Variants in PRR5 observed in about 807,000 individuals in gnomAD.
PRR5 encodes the protein proline rich 5, also known as proline-rich protein 5.
In PRR5, 25 loss-of-function variants were observed where a neutral mutation model predicts 30.6. The observed-to-expected ratio is 0.82, with a 90% CI of 0.60 to 1.14. The LOEUF is 1.14. PRR5 is among the 50% of genes most tolerant of loss of function. PRR5 has a pLI of 0.00. For synonymous variants in PRR5, 286 were observed against 247.1 expected (o/e 1.16, Z -1.48); for missense variants, 600 against 547.1 (o/e 1.10, Z -0.96).
At position 44,711,608 on chromosome 22, in the gene PRR5, C is replaced by T. The variant is rs1380849136; in HGVS notation, c.135-2983C>T. Among the ~76,000 whole-genome samples the T allele has an allele frequency of 5.9e-5, 9 of 152,278 alleles. No homozygotes were observed. In the East Asian group the frequency reaches 1.5e-3, roughly 26 times the overall value. On this transcript the variant is annotated intron_variant, in intron 1 of 7. Transcript: ENST00000336985. Reference sequence around the variant, plus strand: ...GGACAGCAGGGCTGAAGCCTGGGGCCCACTGCGAGCCTTGGAGGCCCTGGC... The same window carrying T: ...GGACAGCAGGGCTGAAGCCTGGGGCTCACTGCGAGCCTTGGAGGCCCTGGC...
At chr22:44,735,860 GC>G (rs1412181611) in intron 7 of PRR5, among the ~76,000 whole-genome samples, 1 of 152,188 alleles carries the variant, frequency 6.6e-6, no homozygotes, top group Non-Finnish European at 1.5e-5. Flanking sequence ...TGTAAAACCT[GC>G]CCACTGGTGT....
chr22:44,694,989 G>A (rs1307486136), intron 1 of PRR5, among the ~76,000 whole-genome samples: 2 of 152,090 alleles, frequency 1.3e-5, no homozygotes, highest in African/African-American at 4.8e-5. Flanking sequence ...TGGCCGACAC[G>A]ATGAAACCCC....
chr22:44,699,690 T>G (rs1926079825), upstream of PRR5, among the ~76,000 whole-genome samples: 1 of 152,136 alleles, frequency 6.6e-6, no homozygotes, highest in Non-Finnish European at 1.5e-5. Context: ...GGAAAAAAAG[T>G]CATCGGGTGA....
upstream of PRR5, among the ~76,000 whole-genome samples, chr22:44,675,086 A>G (rs974189421): frequency 6.9e-6 from 1 of 145,796 alleles, no homozygotes; most frequent in Non-Finnish European, 1.5e-5. Context: ...TTCTCTACTA[A>G]AAATACAAAA....
Position 44,702,585 on chromosome 22 carries a change from C to A in PRR5, c.111C>A (p.Ala37=). The A allele has an allele frequency of 7.2e-7, 1 of 1,385,378 alleles. No homozygotes were observed. The highest frequency in any genetic ancestry group is 3.6e-5 in the Admixed American group (1 of 27,582). The allele number at this position is 1,385,378 out of a possible 1,614,324, so 85.8% of individuals were successfully genotyped here. A position where few individuals can be genotyped will look rare whatever the true frequency, so the allele number is the denominator to read the frequency against. Residue 37 remains alanine, a synonymous_variant, in exon 1 of 8, where the codon GCC becomes GCA. Transcript: ENST00000336985. ...AGCGGGGCACGCAGCAGCGCCGGGC[C>A]TGCGCCAACGCCACCTGGAACAGGT... ...ADERGTQQRR[A]CANATWNSIH...
intron 1 of PRR5, among the ~76,000 whole-genome samples, chr22:44,670,249 A>C (rs1028731728): frequency 2.6e-5 from 4 of 152,172 alleles, no homozygotes; most frequent in Non-Finnish European, 4.4e-5. Flanking sequence ...TTGGAGCCCA[A>C]GTCCCCCAGC....
chr22:44,672,147 C>T (rs910754138), upstream of PRR5, among the ~76,000 whole-genome samples: 1 of 152,210 alleles, frequency 6.6e-6, no homozygotes, highest in South Asian at 2.1e-4. Context: ...GGGCCTGGCC[C>T]AAGGAAGCCC....
chr22:44,692,993 A>T (rs1925419266), intron 1 of PRR5, among the ~76,000 whole-genome samples: 1 of 152,106 alleles, frequency 6.6e-6, no homozygotes, highest in African/African-American at 2.4e-5. Context: ...AGAGGGAATG[A>T]GGGTGTCTCC....
chr22:44,670,771 G>A (rs1230657002), intron 1 of PRR5, among the ~76,000 whole-genome samples: 1 of 152,188 alleles, frequency 6.6e-6, no homozygotes. Context: ...GGCGGGCAGC[G>A]TGGTGTGGTG....
chr22:44,695,580 T>G (rs1192958686), intron 1 of PRR5, among the ~76,000 whole-genome samples: 1 of 151,730 alleles, frequency 6.6e-6, no homozygotes, highest in African/African-American at 2.4e-5. Context: ...TCTCAGGGGG[T>G]TTTGTTTGTT....
rs1019325135 is a variant in PRR5, at chr22:44,727,756, A to G, written c.322+1122A>G. Among the ~76,000 whole-genome samples the G allele has an allele frequency of 2.0e-5, 3 of 152,178 alleles. No homozygotes were observed. The South Asian group carries it at 6.2e-4, about 32-fold the overall frequency. ...AAGGACACAGGCCCGGAGGCCTGGC[A>G]TGTTCCAGGGGACCTTGGAGCTGCG... is the stretch of plus-strand genomic sequence containing the variant. On this transcript the variant is annotated intron_variant, in intron 4 of 7. Transcript: ENST00000336985.
chr22:44,737,153 C>CG lies in PRR5; in HGVS notation c.1075dup (p.Asp359GlyfsTer3). On this transcript the variant is annotated frameshift_variant, in exon 8 of 8. Coordinates refer to ENST00000336985, the MANE Select transcript of PRR5 (RefSeq NM_181333.4). LOFTEE classifies it low-confidence loss of function (END_TRUNC). Reference sequence around the variant, plus strand: ...GACCAGATCCTGGAGTCCGTGGACTCGGATTCTGAAGGGATTTTCATTGAC... The same window carrying CG: ...GACCAGATCCTGGAGTCCGTGGACTCGGGATTCTGAAGGGATTTTCATTGAC... 1.2e-6 allele frequency: 2 copies of CG among 1,612,716 alleles called. No individual in the cohort carries two copies. Among genetic ancestry groups the CG allele is most frequent in the Non-Finnish European group, 1.7e-6 (2 of 1,180,008 alleles).
intron 2 of PRR5, among the ~76,000 whole-genome samples, 199 bp from the exon 3 acceptor site, chr22:44,725,045 G>A (rs908876282): frequency 4.6e-5 from 7 of 152,154 alleles, no homozygotes; most frequent in Admixed American, 1.3e-4. Context: ...CTGCCACTGC[G>A]GACCATGGAG....
At chr22:44,722,666 G>A (rs1930112957) in intron 2 of PRR5, among the ~76,000 whole-genome samples, 1 of 152,214 alleles carries the variant, frequency 6.6e-6, no homozygotes, top group African/African-American at 2.4e-5. Context: ...TGCAGTCACT[G>A]TGTTTGGGGG....
chr22:44,727,409 G>T (rs542441188), intron 4 of PRR5, among the ~76,000 whole-genome samples: 1 of 152,218 alleles, frequency 6.6e-6, no homozygotes, highest in Non-Finnish European at 1.5e-5. Flanking sequence ...TCGGGCCTGC[G>T]CTGTACCCGT....
upstream of PRR5, chr22:44,702,153 C>T (rs1292307758): frequency 4.2e-5 from 20 of 475,234 alleles, no homozygotes; most frequent in East Asian, 1.2e-4. Flanking sequence ...CCCCGCCCCG[C>T]CCCCCGGGGC....
chr22:44,710,878 C>CGCAGG (rs896190367), intron 1 of PRR5, among the ~76,000 whole-genome samples: 52 of 152,194 alleles, frequency 3.4e-4, no homozygotes, highest in African/African-American at 9.9e-4. Context: ...CAGAAAAGGC[C>CGCAGG]GCAGGGCAGG....
At chr22:44,734,713 C>G (rs550076064) in intron 6 of PRR5, 1 of 389,852 alleles carries the variant, frequency 2.6e-6, no homozygotes, top group East Asian at 4.9e-5. Context: ...CTCTAGGACT[C>G]TTGAGTACAG....
rs1163994074 is a variant in PRR5 at position 44,691,503 on chromosome 22, C to A, written c.-10-10989C>A. Among the ~76,000 whole-genome samples, 1 of 152,128 alleles carries A rather than the reference C, an allele frequency of 6.6e-6. No homozygotes were observed. The highest frequency in any genetic ancestry group is 1.5e-5 in the Non-Finnish European group (1 of 68,002). On this transcript the variant is annotated intron_variant, in intron 1 of 8. Coordinates refer to the PRR5 transcript ENST00000006251. This position sits in a 1 kb window ranked among gnomAD's most constrained non-coding sequence, Gnocchi z 4.4. ...GTGAAGAGTTGGGGCCCCTCCAGCG[C>A]CCCTGCAGTTTGGGAGGCCGAGCAG...
Sources: allele counts gnomAD v4.1 joint callset (sites outside exome capture counted in the v4.1 genomes callset), GRCh38; gene constraint gnomAD v4.1.1; non-coding constraint Gnocchi (gnomAD v3.1); transcripts MANE v1.5; gene names NCBI Gene and HGNC (gene_info 2026-07-23, HGNC 2026-07-21).